Variants in FBXW7 observed in about 807,000 individuals in gnomAD.
FBXW7 encodes the protein F-box and WD repeat domain containing 7.
FBXW7 carries 11 observed loss-of-function variants against 86.3 expected under a neutral mutation model. The ratio of observed to expected loss-of-function variants is 0.13; its 90% CI spans 0.08 to 0.21. FBXW7 has a LOEUF of 0.21. Ranked by LOEUF, FBXW7 falls within the 10% of genes least tolerant of loss-of-function variation. The pLI is 1.00. For synonymous variants in FBXW7, 313 were observed against 297.9 expected, an observed-to-expected ratio of 1.05 and a Z score of -0.52; for missense variants, 488 against 847.4, an observed-to-expected ratio of 0.58 and a Z score of 5.27.
At chr4:152,534,746 T>TG (rs1479746540) in intron 2 of FBXW7, among the ~76,000 whole-genome samples, 195 bp downstream of exon 2, 1 of 152,142 alleles carries the variant, frequency 6.6e-6, no homozygotes, top group Non-Finnish European at 1.5e-5. Flanking sequence ...CCTGCATACT[T>TG]GCATTACTCG....
At chr4:152,481,263 ATT>A (rs1283725259) in intron 2 of FBXW7, among the ~76,000 whole-genome samples, 2 of 152,196 alleles carry the variant, frequency 1.3e-5, no homozygotes, top group African/African-American at 4.8e-5. Flanking sequence ...AAGCACATCT[ATT>A]TAACAACATG....
intron 2 of FBXW7, among the ~76,000 whole-genome samples, chr4:152,470,322 CT>C (rs1743834543): frequency 6.6e-6 from 1 of 152,050 alleles, no homozygotes. Context: ...CTAACAATGT[CT>C]TAGGGAAGCA....
intron 4 of FBXW7, among the ~76,000 whole-genome samples, chr4:152,389,336 T>C (rs1735802086): frequency 6.6e-6 from 1 of 152,240 alleles, no homozygotes; most frequent in Non-Finnish European, 1.5e-5. Flanking sequence ...AAGAATTTAG[T>C]TGGTGATTAT....
intron 4 of FBXW7, among the ~76,000 whole-genome samples, chr4:152,409,092 C>CT (rs1315142360): frequency 1.3e-5 from 2 of 152,104 alleles, no homozygotes; most frequent in Admixed American, 6.5e-5. Context: ...AATTAAAAAT[C>CT]TTTTTTTCTC....
In FBXW7 at chr4:152,535,437, G is replaced by C. The variant is rs1750448791; in HGVS notation, c.-523C>G. ...AAGGTGAGGAAAGGACGGCGGCGTC[G>C]GTCCTGTTCTCTCCGCCGCCCCAGC... On this transcript the variant is annotated 5_prime_UTR_variant, in exon 1 of 14. Transcript: ENST00000281708. 2.6e-6 allele frequency: 1 copy of C among 390,118 alleles called. No individual in the cohort carries two copies. The highest frequency in any genetic ancestry group is 4.5e-5 in the Admixed American group (1 of 22,406). The allele number at this position is 390,118 out of a possible 1,614,324, so 24.2% of individuals were successfully genotyped here.
chr4:152,393,083 T>C (rs145400276), intron 4 of FBXW7, among the ~76,000 whole-genome samples: 91 of 152,256 alleles, frequency 6.0e-4, no homozygotes, highest in African/African-American at 2.1e-3. Context: ...GTTTAAGATC[T>C]GAAAAGCCCT....
chr4:152,520,447 A>G (rs1016933949), intron 2 of FBXW7, among the ~76,000 whole-genome samples: 3 of 151,950 alleles, frequency 2.0e-5, no homozygotes, highest in Non-Finnish European at 4.4e-5. Flanking sequence ...CTCAAAAAAA[A>G]AAAAAAAAAA....
chr4:152,341,021 C>CT lies in FBXW7; in HGVS notation c.727-3086dup, dbSNP rs1730686407. 2.6e-5 allele frequency among the ~76,000 whole-genome samples: 4 copies of CT among 152,192 alleles called. No homozygotes were observed. The South Asian group carries it at 8.3e-4, about 32-fold the overall frequency. The stretch of plus-strand genomic sequence containing the variant: ...TTAAACTTTAAAATATATCCACAAT[C>CT]TGACTATTACTACACTGGATTGAGC... On this transcript the variant is annotated intron_variant, in intron 6 of 13. Coordinates refer to ENST00000281708, the MANE Select transcript of FBXW7 (RefSeq NM_001349798.2).
At chr4:152,332,094 GA>G (rs1317000905) in intron 8 of FBXW7, among the ~76,000 whole-genome samples, 1 of 150,130 alleles carries the variant, frequency 6.7e-6, no homozygotes, top group Admixed American at 6.6e-5. Context: ...TGTCTGCTGG[GA>G]AAAAAAACAA....
At chr4:152,347,248 C>T (rs1273742270) in intron 5 of FBXW7, among the ~76,000 whole-genome samples, 177 bp from the exon 6 acceptor site, 2 of 152,140 alleles carry the variant, frequency 1.3e-5, no homozygotes, top group Non-Finnish European at 2.9e-5. Flanking sequence ...AACCTATTTG[C>T]TATTCTTACA....
intron 2 of FBXW7, among the ~76,000 whole-genome samples, chr4:152,508,071 A>G (rs1747594546): frequency 6.6e-6 from 1 of 151,980 alleles, no homozygotes; most frequent in African/African-American, 2.4e-5. Flanking sequence ...CCCTGACTCA[A>G]AAAGAAAAAA....
chr4:152,409,888 T>A (rs1449407363), intron 4 of FBXW7, among the ~76,000 whole-genome samples: 3 of 152,054 alleles, frequency 2.0e-5, no homozygotes, highest in East Asian at 1.9e-4. Context: ...TGATTCAGAA[T>A]CACTAGAAAA....
intron 4 of FBXW7, among the ~76,000 whole-genome samples, chr4:152,357,633 T>C (rs572086053): frequency 6.6e-6 from 1 of 152,192 alleles, no homozygotes; most frequent in East Asian, 1.9e-4. Flanking sequence ...AAGTTTTAAT[T>C]CTTGAAGTTT....
chr4:152,511,504 A>T (rs1747974056), intron 2 of FBXW7, among the ~76,000 whole-genome samples: 2 of 152,192 alleles, frequency 1.3e-5, no homozygotes, highest in Non-Finnish European at 2.9e-5. Flanking sequence ...CTTTTGATTC[A>T]GCAATTTCAC....
At chr4:152,466,751 G>A (rs1458124588) in intron 2 of FBXW7, among the ~76,000 whole-genome samples, 2 of 152,032 alleles carry the variant, frequency 1.3e-5, no homozygotes, top group Middle Eastern at 3.4e-3. Context: ...GACCATCCTG[G>A]CTAACATGGT....
intron 2 of FBXW7, among the ~76,000 whole-genome samples, chr4:152,508,839 C>G (rs1252015276): frequency 1.3e-5 from 2 of 151,630 alleles, no homozygotes; most frequent in Non-Finnish European, 2.9e-5. Context: ...GGAAAAAAAG[C>G]AACTAGAGTG....
At chr4:152,374,895 G>A (rs115232516) in intron 4 of FBXW7, among the ~76,000 whole-genome samples, 2 of 151,836 alleles carry the variant, frequency 1.3e-5, no homozygotes, top group Admixed American at 6.6e-5. Context: ...GGAGGGGGGG[G>A]GATGATGCTG....
At chr4:152,325,287 C>T (rs1728917531) in intron 12 of FBXW7, 1 of 152,018 alleles carries the variant, frequency 6.6e-6, no homozygotes, top group East Asian at 1.9e-4. Context: ...ATTGACAGTA[C>T]TAAGATTATG....
chr4:152,432,724 A>C (rs758502151), intron 2 of FBXW7, among the ~76,000 whole-genome samples: 1 of 152,206 alleles, frequency 6.6e-6, no homozygotes, highest in Non-Finnish European at 1.5e-5. Context: ...AGGCAGGAGA[A>C]TCACTTGAAC....
Sources: gnomAD v4.1 joint callset for allele counts (sites outside exome capture counted in the v4.1 genomes callset) on GRCh38, gnomAD v4.1.1 for gene constraint, MANE v1.5 for transcripts, NCBI Gene and HGNC (gene_info 2026-07-23, HGNC 2026-07-21) for gene names.